FMNL2: variants seen among roughly 807,000 people sequenced by gnomAD.
FMNL2 encodes the protein formin like 2.
In FMNL2, 51 loss-of-function variants were observed where a neutral mutation model predicts 130.2. The ratio of observed to expected loss-of-function variants is 0.39; its 90% CI spans 0.31 to 0.49. The LOEUF (loss-of-function observed/expected upper bound fraction) is 0.49. Ranked by LOEUF, FMNL2 falls within the 20% of genes least tolerant of loss-of-function variation. The pLI, the probability that FMNL2 is intolerant of heterozygous loss-of-function variation, is 0.85. For synonymous variants in FMNL2, 465 were observed against 467.1 expected (o/e 1.00, Z 0.06); for missense variants, 977 against 1,316.2 (o/e 0.74, Z 3.99).
intron 1 of FMNL2, among the ~76,000 whole-genome samples, chr2:152,455,404 C>T (rs1579706120): frequency 2.0e-5 from 3 of 151,956 alleles, no homozygotes; most frequent in Admixed American, 2.0e-4. Context: ...AGGAAAGGCA[C>T]GGGTGAAACC....
chr2:152,579,077 A>G, intron 8 of FMNL2, 113 bp downstream of exon 8: 1 of 844,482 alleles, frequency 1.2e-6, no homozygotes. Context: ...CTCTGAAATA[A>G]GATTGGCTAT....
chr2:152,648,942 A>G lies in FMNL2; in HGVS notation c.*1037A>G, dbSNP rs903068753. ...ATTAACATGGTATTAAGCTTAAATAATACGTAATGGGACTAGATGGCCCAC... is the reference window on the plus strand; with the variant it reads ...ATTAACATGGTATTAAGCTTAAATAGTACGTAATGGGACTAGATGGCCCAC... On this transcript the variant is annotated 3_prime_UTR_variant, in exon 26 of 26. Transcript: ENST00000288670. 6.6e-6 allele frequency: 1 copy of G among 152,616 alleles called. No individual in the cohort carries two copies. Among genetic ancestry groups the G allele is most frequent in the East Asian group, 1.9e-4 (1 of 5,196 alleles). 9.5% of individuals were successfully genotyped at this position (152,616 alleles called of 1,614,324 possible).
chr2:152,466,024 T>C (rs181063087), intron 1 of FMNL2, among the ~76,000 whole-genome samples: 113 of 152,298 alleles, frequency 7.4e-4, no homozygotes, highest in Non-Finnish European at 1.4e-3. Context: ...TGGACTAGGA[T>C]TTGGGAAATT....
intron 1 of FMNL2, among the ~76,000 whole-genome samples, chr2:152,364,264 T>G (rs1234883548): frequency 1.3e-3 from 28 of 20,968 alleles, no homozygotes; most frequent in Non-Finnish European, 2.8e-3. Context: ...TTTGTGTGTT[T>G]TTTTTTTTTT....
chr2:152,607,175 A>G (rs2105846163), intron 9 of FMNL2, among the ~76,000 whole-genome samples, 164 bp from the exon 10 acceptor site: 1 of 152,282 alleles, frequency 6.6e-6, no homozygotes, highest in African/African-American at 2.4e-5. Flanking sequence ...GTTGCAGCTC[A>G]TATGGCTGTT....
intron 6 of FMNL2, among the ~76,000 whole-genome samples, chr2:152,567,506 C>G (rs896603936): frequency 1.3e-5 from 2 of 152,176 alleles, no homozygotes; most frequent in Non-Finnish European, 1.5e-5. Context: ...TGTTTCAGCT[C>G]TATTTCTTTT....
chr2:152,381,014 G>A (rs934771287), intron 1 of FMNL2, among the ~76,000 whole-genome samples: 2 of 152,142 alleles, frequency 1.3e-5, no homozygotes, highest in African/African-American at 2.4e-5. Flanking sequence ...TTTGCTAGGT[G>A]CCTAATAAGT....
intron 9 of FMNL2, among the ~76,000 whole-genome samples, chr2:152,598,417 G>A (rs755509160): frequency 6.6e-6 from 1 of 152,118 alleles, no homozygotes; most frequent in Non-Finnish European, 1.5e-5. Context: ...GGCTGGGTGC[G>A]GTGGCTCATG....
At chr2:152,447,831 C>T (rs1168215020) in intron 1 of FMNL2, among the ~76,000 whole-genome samples, 2 of 152,044 alleles carry the variant, frequency 1.3e-5, no homozygotes, top group East Asian at 1.9e-4. Context: ...TCCATTTGTT[C>T]TTCCTTGTGT....
At chr2:152,569,697 AGG>A (rs1696065137) in intron 6 of FMNL2, among the ~76,000 whole-genome samples, 1 of 146,312 alleles carries the variant, frequency 6.8e-6, no homozygotes, top group Non-Finnish European at 1.5e-5. Context: ...AAAAAAAAAA[AGG>A]AAGTTAAAAA....
rs149452667 is a variant in FMNL2 at position 152,486,323 on chromosome 2, A to G, written c.118-35620A>G. 9.9e-3 allele frequency among the ~76,000 whole-genome samples: 1,502 copies of G among 152,306 alleles called. 26 individuals are homozygous for G. The highest frequency in any genetic ancestry group is 0.034 in the African/African-American group (1,433 of 41,554). On this transcript the variant is annotated intron_variant, in intron 1 of 25. Coordinates refer to ENST00000288670, the MANE Select transcript of FMNL2 (RefSeq NM_052905.4). ...ACCCTCTGTTAAAGGAGAACTTTTT[A>G]TGTTCCTAACAATATACGATTCTTT...
chr2:152,346,841 C>T (rs879714391), intron 1 of FMNL2, among the ~76,000 whole-genome samples: 1 of 152,054 alleles, frequency 6.6e-6, no homozygotes, highest in Non-Finnish European at 1.5e-5. Flanking sequence ...CCTATAATCC[C>T]AGCACTTTGG....
intron 1 of FMNL2, among the ~76,000 whole-genome samples, chr2:152,426,812 T>C (rs1462435229): frequency 6.6e-6 from 1 of 152,202 alleles, no homozygotes; most frequent in African/African-American, 2.4e-5. Flanking sequence ...TAAGGAAATA[T>C]ATTTAAAGTT....
chr2:152,438,693 C>T (rs1278356765), intron 1 of FMNL2, among the ~76,000 whole-genome samples: 3 of 152,114 alleles, frequency 2.0e-5, no homozygotes, highest in Non-Finnish European at 4.4e-5. Context: ...AGATTTGCTT[C>T]TTGGCGCGGG....
In FMNL2 at chr2:152,560,963, T is replaced by C. The variant is rs1695488659; in HGVS notation, c.524T>C (p.Leu175Pro). ...CCCTGGAGTAGGTCCATCGAGGACC[T>C]GCACAGAGGGAGCAACCTGCCCTCA... is the stretch of plus-strand genomic sequence containing the variant. ...SKPWSRSIED[L>P]HRGSNLPSPV... Residue 175 changes from leucine to proline, a missense_variant, in exon 6 of 26, where the codon CTG becomes CCG. Leu to Pro is a moderately conservative substitution (Grantham distance 98). This residue lies in a region of FMNL2 where 689 missense variants were observed against 995.9 expected (regional missense o/e 0.69). Transcript: ENST00000288670. The C allele has an allele frequency of 1.2e-6, 2 of 1,609,194 alleles. No homozygotes were observed. The highest frequency in any genetic ancestry group is 1.7e-6 in the Non-Finnish European group (2 of 1,177,750).
rs955433807 is a variant in FMNL2, at chr2:152,629,990, A to G, written c.2550+85A>G. On this transcript the variant is annotated intron_variant, in intron 20 of 25. Transcript: ENST00000288670. ...AGTTAGGGTGGTGGAGGATGTTTTG[A>G]TGAATATTTTCTGCTATGGGAGGAT... The G allele has an allele frequency of 4.7e-6, 6 of 1,288,254 alleles. No homozygotes were observed. The East Asian group carries it at 1.0e-4, about 22-fold the overall frequency. 79.8% of individuals were successfully genotyped at this position (1,288,254 alleles called of 1,614,324 possible).
intron 1 of FMNL2, among the ~76,000 whole-genome samples, chr2:152,392,619 C>T (rs1258656494): frequency 6.6e-6 from 1 of 152,116 alleles, no homozygotes; most frequent in African/African-American, 2.4e-5. Context: ...GGAGTGAAGC[C>T]TCTTTTATAA....
At chr2:152,596,871 AAGT>A (rs1465971568) in intron 9 of FMNL2, among the ~76,000 whole-genome samples, 1 of 152,252 alleles carries the variant, frequency 6.6e-6, no homozygotes, top group African/African-American at 2.4e-5. Context: ...AACACTAGAC[AAGT>A]AGTAATTTCT....
intron 1 of FMNL2, among the ~76,000 whole-genome samples, chr2:152,386,289 A>G (rs561797746): frequency 6.6e-6 from 1 of 152,206 alleles, no homozygotes; most frequent in Non-Finnish European, 1.5e-5. Context: ...CCGGGTGCAC[A>G]CTTGGATTCT....
Sources: gnomAD v4.1 joint callset for allele counts (sites outside exome capture counted in the v4.1 genomes callset) on GRCh38, gnomAD v4.1.1 for gene constraint, gnomAD v4.1.1 regional missense constraint, MANE v1.5 for transcripts, NCBI Gene and HGNC (gene_info 2026-07-23, HGNC 2026-07-21) for gene names.